PCNT: variants seen among roughly 807,000 people sequenced by gnomAD.
PCNT encodes the protein pericentrin.
PCNT carries 319 observed loss-of-function variants against 380.4 expected under a neutral mutation model. The observed-to-expected ratio is 0.84, with a 90% CI of 0.77 to 0.92. The LOEUF (loss-of-function observed/expected upper bound fraction) is 0.92, where lower values mean the gene tolerates loss of function less well. PCNT is among the 40% of genes least tolerant of loss of function. The pLI is 0.00. For synonymous variants in PCNT, 1,845 were observed against 1,735.2 expected (o/e 1.06, Z -1.57); for missense variants, 4,400 against 4,255.3 (o/e 1.03, Z -0.95).
At chr21:46,335,748 C>T (rs1419736147) in intron 3 of PCNT, among the ~76,000 whole-genome samples, 1 of 148,518 alleles carries the variant, frequency 6.7e-6, no homozygotes, top group Non-Finnish European at 1.5e-5. Flanking sequence ...GCTGGTGGTG[C>T]GATCTTGGCT....
chr21:46,402,336 G>A lies in PCNT; in HGVS notation c.4968G>A (p.Leu1656=). 2.5e-6 allele frequency: 4 copies of A among 1,596,778 alleles called. No homozygotes were observed. The highest frequency in any genetic ancestry group is 3.4e-6 in the Non-Finnish European group (4 of 1,164,550). ...TTCTTTTGTTTTAATGAAAGGTTTT[G>A]GACTTAAAAGAACAGCTAGAAAAGA... is the stretch of plus-strand genomic sequence containing the variant. ...RALLRRESEV[L]DLKEQLEKMK... is the part of the protein sequence containing the mutation. The change falls in exon 27 of 47, where the codon TTG becomes TTA. Residue 1656 remains leucine, a synonymous_variant. Transcript: ENST00000359568.
At position 46,366,991 on chromosome 21, in the gene PCNT, C is replaced by G. The variant is rs199574488; in HGVS notation, c.3017C>G (p.Ser1006Cys). ...DFEEQLWKKD[S>C]LHQTILTQEL... Reference sequence around the variant, plus strand: ...GAGGAACAACTGTGGAAAAAGGACTCTCTTCACCAAACGATTTTGACTCAA... The same window carrying G: ...GAGGAACAACTGTGGAAAAAGGACTGTCTTCACCAAACGATTTTGACTCAA... Residue 1006 changes from serine (S) to cysteine (C), a missense_variant, in exon 15 of 47, where the codon TCT becomes TGT. Physicochemically the swap from Ser to Cys is moderately radical, Grantham distance 112. Coordinates refer to ENST00000359568, the MANE Select transcript of PCNT (RefSeq NM_006031.6). 1 of 1,614,214 alleles carries G rather than the reference C, an allele frequency of 6.2e-7. No individual in the cohort carries two copies. The highest frequency in any genetic ancestry group is 1.3e-5 in the African/African-American group (1 of 75,066).
At position 46,388,644 on chromosome 21, in the gene PCNT, G is replaced by T; in HGVS notation, c.3465-98G>T. 6.8e-7 allele frequency: 1 copy of T among 1,477,440 alleles called. No homozygotes were observed. The highest frequency in any genetic ancestry group is 1.1e-5 in the South Asian group (1 of 87,832). 91.5% of individuals were successfully genotyped at this position (1,477,440 alleles called of 1,614,324 possible). A position where few individuals can be genotyped will look rare whatever the true frequency, so the allele number is the denominator to read the frequency against. On this transcript the variant is annotated intron_variant, in intron 17 of 46. Transcript: ENST00000359568. This position sits in a 1 kb window ranked among gnomAD's most constrained non-coding sequence, Gnocchi z 4.2. The stretch of plus-strand genomic sequence containing the variant: ...CCGTGGGGACAGGCAGCCGTGGGCC[G>T]AGGTGTGCAAACTGGTGGGCGGCCC...
In PCNT at chr21:46,346,155, A is replaced by G. The variant is rs761934093; in HGVS notation, c.667A>G (p.Ile223Val). 3.1e-6 allele frequency: 5 copies of G among 1,613,898 alleles called. No homozygotes were observed. Among genetic ancestry groups the G allele is most frequent in the Admixed American group, 1.7e-5 (1 of 60,002 alleles). The change falls in exon 4 of 47, where the codon ATT (isoleucine) becomes GTT (valine). Residue 223 changes from isoleucine (I) to valine (V), a missense_variant. By Grantham distance (29) the Ile-to-Val change is conservative. Transcript: ENST00000359568. ...GTGTGAACAAGAATGTGAACTTGCC[A>G]TTACTGACCTGGAGAGCGGCCGTGA... is the stretch of plus-strand genomic sequence containing the variant. ...KECEQECELA[I>V]TDLESGREDE...
chr21:46,440,211 G>A lies in PCNT; in HGVS notation c.9393+9G>A, dbSNP rs562812369. ...ACACCAGCAATGTCAAGGTAGGAAC[G>A]GTGCCACGAGTATAGAACTTTGGTG... On this transcript the variant is annotated intron_variant, in intron 42 of 46. Coordinates refer to ENST00000359568, the MANE Select transcript of PCNT (RefSeq NM_006031.6). 2.9e-5 allele frequency: 46 copies of A among 1,613,868 alleles called. No individual in the cohort carries two copies. The highest frequency in any genetic ancestry group is 3.7e-5 in the Non-Finnish European group (44 of 1,180,022).
At chr21:46,394,486 G>T in intron 21 of PCNT, 1 of 982,998 alleles carries the variant, frequency 1.0e-6, no homozygotes, top group African/African-American at 1.7e-5. Flanking sequence ...CTCAGTAAAC[G>T]CAAACTCTTG....
At chr21:46,445,243 C>T (rs1206795046) in intron 46 of PCNT, 41 bp from the exon 47 acceptor site, 4 of 1,396,438 alleles carry the variant, frequency 2.9e-6, no homozygotes, top group Non-Finnish European at 4.1e-6. Context: ...ATCTGTGAAG[C>T]CTTGTAACCA....
At chr21:46,372,271 A>ACACG (rs1569214798) in intron 15 of PCNT, among the ~76,000 whole-genome samples, 1 of 151,304 alleles carries the variant, frequency 6.6e-6, no homozygotes, top group Non-Finnish European at 1.5e-5. Flanking sequence ...CACGTGTAGC[A>ACACG]CATGCATGCA....
rs369584693 is a variant in PCNT, at chr21:46,412,998, G to A, written c.6150+6G>A. 1.7e-5 allele frequency: 28 copies of A among 1,606,328 alleles called. No homozygotes were observed. Among genetic ancestry groups the A allele is most frequent in the Non-Finnish European group, 2.1e-5 (25 of 1,179,844 alleles). On this transcript the variant is annotated splice_donor_region_variant and intron_variant, in intron 29 of 46. Transcript: ENST00000359568. Reference sequence around the variant, plus strand: ...GTCTGGAGGACGGCGGCAAGGTGTGGGGAGGGGGGAAGGCGCGAGGTCCCC... The same window carrying A: ...GTCTGGAGGACGGCGGCAAGGTGTGAGGAGGGGGGAAGGCGCGAGGTCCCC...
rs760636559 is a variant in PCNT, at chr21:46,430,071, G to A, written c.7752G>A (p.Thr2584=). The A allele has an allele frequency of 2.1e-5, 34 of 1,614,096 alleles. No individual in the cohort carries two copies. Among genetic ancestry groups the A allele is most frequent in the African/African-American group, 4.0e-5 (3 of 74,938 alleles). Residue 2584 remains threonine, a synonymous_variant, in exon 36 of 47, where the codon ACG becomes ACA. Transcript: ENST00000359568. The part of the protein sequence containing the change: ...EKCIAGDLQK[T]LSEEQEKANS... ...GCATTGCTGGTGACTTGCAGAAGAC[G>A]CTGAGTGAAGAGCAAGAGAAGGCAA...
chr21:46,417,177 A>G (rs1483918737), intron 30 of PCNT, among the ~76,000 whole-genome samples: 1 of 127,698 alleles, frequency 7.8e-6, no homozygotes, highest in Non-Finnish European at 1.7e-5. Flanking sequence ...ATTTTTAGGA[A>G]TGCTTCCTTT....
At chr21:46,383,636 A>G (rs1312394300) in intron 16 of PCNT, among the ~76,000 whole-genome samples, 4 of 144,430 alleles carry the variant, frequency 2.8e-5, no homozygotes, top group African/African-American at 1.0e-4. Context: ...GCAGAAGCGC[A>G]TTCACGGTGT....
chr21:46,399,924 A>G (rs2086364964), intron 25 of PCNT, 128 bp downstream of exon 25: 2 of 813,706 alleles, frequency 2.5e-6, no homozygotes, highest in Non-Finnish European at 4.4e-6. Context: ...TGCACCAGAA[A>G]CACTGGCGTC....
At chr21:46,381,636 A>G (rs1033869322) in intron 15 of PCNT, 58 bp from the exon 16 acceptor site, 1 of 1,529,980 alleles carries the variant, frequency 6.5e-7, no homozygotes, top group Non-Finnish European at 9.1e-7. Context: ...TCCGGCTAAC[A>G]GCAAAGAAAG....
At chr21:46,387,401 G>A (rs1019380373) in intron 17 of PCNT, among the ~76,000 whole-genome samples, 6 of 152,316 alleles carry the variant, frequency 3.9e-5, no homozygotes, top group African/African-American at 7.2e-5. Context: ...CGGCCAGTGG[G>A]GCGGTCTGTG....
In PCNT at chr21:46,438,155, T is replaced by G. The variant is rs2053512680; in HGVS notation, c.9100-9T>G. 6.2e-7 allele frequency: 1 copy of G among 1,611,048 alleles called. No individual in the cohort carries two copies. The highest frequency in any genetic ancestry group is 8.5e-7 in the Non-Finnish European group (1 of 1,177,538). ...CAAATTCTTACAAATTTATTTTCTT[T>G]TCTCCAAGAAAAAAATGGCAGCAGA... is the stretch of plus-strand genomic sequence containing the variant. On this transcript the variant is annotated splice_polypyrimidine_tract_variant and intron_variant, in intron 40 of 46. Transcript: ENST00000359568.
intron 25 of PCNT, among the ~76,000 whole-genome samples, chr21:46,401,341 A>T (rs1358735224): frequency 6.6e-6 from 1 of 152,190 alleles, no homozygotes; most frequent in Non-Finnish European, 1.5e-5. Context: ...TGTGGCTCTC[A>T]GTCACGTCCT....
Position 46,397,480 on chromosome 21 carries a change from C to T in PCNT, c.4432C>T (p.Arg1478Trp), listed in dbSNP as rs549834885. Residue 1478 changes from arginine to tryptophan, a missense_variant, in exon 22 of 47, where the codon CGG becomes TGG. Coordinates refer to ENST00000359568, the MANE Select transcript of PCNT (RefSeq NM_006031.6). ...TCTGGACAAGCATTTGCGCAACCAGCGGCAATTCATGGATGTAAGAATTCT... is the reference window on the plus strand; with the variant it reads ...TCTGGACAAGCATTTGCGCAACCAGTGGCAATTCATGGATGTAAGAATTCT... ...ASLDKHLRNQ[R>W]QFMDEQAAER... The T allele has an allele frequency of 1.4e-5, 23 of 1,613,618 alleles. No individual in the cohort carries two copies. The highest frequency in any genetic ancestry group is 4.5e-5 in the East Asian group (2 of 44,880).
At chr21:46,431,114 A>G (rs1182505678) in intron 37 of PCNT, 39 of 1,182,112 alleles carry the variant, frequency 3.3e-5, no homozygotes, top group Non-Finnish European at 4.0e-5. Flanking sequence ...GGTTCCTAGC[A>G]AGCTGGGTGT....
Sources: allele counts gnomAD v4.1 joint callset (sites outside exome capture counted in the v4.1 genomes callset), GRCh38; gene constraint gnomAD v4.1.1; non-coding constraint Gnocchi (gnomAD v3.1); transcripts MANE v1.5; gene names NCBI Gene and HGNC (gene_info 2026-07-23, HGNC 2026-07-21).